FBLN7: variants seen among roughly 807,000 people sequenced by gnomAD.
FBLN7 encodes the protein fibulin 7.
In FBLN7, 31 loss-of-function variants were observed where a neutral mutation model predicts 44.0. The observed-to-expected ratio is 0.70, with a 90% CI of 0.53 to 0.95. The LOEUF (loss-of-function observed/expected upper bound fraction) is 0.95. Ranked by LOEUF, FBLN7 falls within the 40% of genes least tolerant of loss-of-function variation. FBLN7 has a pLI of 0.00. For synonymous variants in FBLN7, 262 were observed against 253.4 expected (o/e 1.03, Z -0.32); for missense variants, 573 against 618.5 (o/e 0.93, Z 0.78).
At chr2:112,181,582 C>T (rs1401589054) in intron 4 of FBLN7, among the ~76,000 whole-genome samples, 157 bp from the exon 5 acceptor site, 2 of 152,122 alleles carry the variant, frequency 1.3e-5, no homozygotes, top group Non-Finnish European at 2.9e-5. Context: ...TCGTCTGGGT[C>T]TGTGGTTGAT....
At chr2:112,207,240 G>A in the FBLN7 span, among the ~76,000 whole-genome samples, 1 of 152,138 alleles carries the variant, frequency 6.6e-6, no homozygotes, top group African/African-American at 2.4e-5. Context: ...GCAGAGGCAG[G>A]CGGATCACCT....
At chr2:112,234,227 G>T in the FBLN7 span, 2 of 1,597,760 alleles carry the variant, frequency 1.3e-6, no homozygotes, top group South Asian at 2.3e-5. Context: ...TTCTCTTTAG[G>T]TTTACCATCC....
At chr2:112,149,985 T>C (rs373562601) in intron 1 of FBLN7, among the ~76,000 whole-genome samples, 2 of 152,256 alleles carry the variant, frequency 1.3e-5, no homozygotes, top group African/African-American at 4.8e-5. Context: ...AGTACTAAGA[T>C]TGAGACATGA....
intron 3 of FBLN7, among the ~76,000 whole-genome samples, chr2:112,168,980 AC>A: frequency 6.6e-6 from 1 of 152,290 alleles, no homozygotes; most frequent in South Asian, 2.1e-4. Flanking sequence ...CCATTAAAAA[AC>A]AGCAGGCAGG....
chr2:112,166,082 G>A (rs1305644613), intron 3 of FBLN7, among the ~76,000 whole-genome samples: 4 of 152,206 alleles, frequency 2.6e-5, no homozygotes, highest in Admixed American at 6.5e-5. Context: ...ACGGAGTCTC[G>A]CTCCGTTGCC....
intron 6 of FBLN7, among the ~76,000 whole-genome samples, chr2:112,184,745 TACAC>T (rs202159771): frequency 6.8e-6 from 1 of 146,032 alleles, no homozygotes; most frequent in Non-Finnish European, 1.5e-5. Context: ...TATATATATA[TACAC>T]ACACCATATA....
downstream of FBLN7, chr2:112,189,937 TA>T (rs544846420): frequency 6.6e-6 from 1 of 152,268 alleles, no homozygotes; most frequent in African/African-American, 2.4e-5. Context: ...GAGTGGCTTA[TA>T]TTTTTTTGTT....
At chr2:112,185,102 G>A (rs1295521553) in intron 6 of FBLN7, 99 bp from the exon 7 acceptor site, 3 of 1,467,084 alleles carry the variant, frequency 2.0e-6, no homozygotes, top group East Asian at 4.8e-5. Context: ...GGAGCAGGGA[G>A]CACCACATTA....
At chr2:112,168,364 A>C (rs1402774586) in intron 3 of FBLN7, among the ~76,000 whole-genome samples, 2 of 152,194 alleles carry the variant, frequency 1.3e-5, no homozygotes, top group Non-Finnish European at 2.9e-5. Context: ...TCTTAGATGG[A>C]GATTTTTCTT....
In FBLN7 at chr2:112,138,551, C is replaced by A; in HGVS notation, c.-105C>A. 2 of 1,510,368 alleles carry A rather than the reference C, an allele frequency of 1.3e-6. No homozygotes were observed. Among genetic ancestry groups the A allele is most frequent in the South Asian group, 1.2e-5 (1 of 85,724 alleles). 93.6% of individuals were successfully genotyped at this position (1,510,368 alleles called of 1,614,324 possible). ...CTGCCCCAGCCGCCCCCCGGCCGCG[C>A]GGCGCCCCGCACCCTGCAGGGACGG... is the stretch of plus-strand genomic sequence containing the variant. On this transcript the variant is annotated 5_prime_UTR_variant, in exon 1 of 8. Transcript: ENST00000331203.
chr2:112,157,902 C>CTT (rs70962991), intron 1 of FBLN7, among the ~76,000 whole-genome samples: 10 of 141,468 alleles, frequency 7.1e-5, no homozygotes, highest in African/African-American at 1.0e-4. Context: ...TTCTTTGGTT[C>CTT]TTTTTTTTTT....
chr2:112,216,524 G>A, the FBLN7 span: 1 of 152,178 alleles, frequency 6.6e-6, no homozygotes, highest in Admixed American at 6.5e-5. Flanking sequence ...TACCAGCAGA[G>A]CCGCCCTTAC....
intron 1 of FBLN7, among the ~76,000 whole-genome samples, chr2:112,155,593 G>A (rs551903932): frequency 3.3e-5 from 5 of 152,150 alleles, no homozygotes; most frequent in Admixed American, 1.3e-4. Context: ...CTCCCTCCCC[G>A]CCTGGGACGG....
chr2:112,228,015 C>T, the FBLN7 span, among the ~76,000 whole-genome samples: 2 of 152,342 alleles, frequency 1.3e-5, no homozygotes, highest in East Asian at 3.9e-4. Context: ...CAAAGCTAGA[C>T]AGCTTACGCT....
intron 7 of FBLN7, among the ~76,000 whole-genome samples, chr2:112,186,750 A>G (rs898797178): frequency 2.6e-5 from 4 of 152,232 alleles, no homozygotes; most frequent in Admixed American, 2.0e-4. Context: ...TCCTGCCATT[A>G]CTGGGCGAGG....
the FBLN7 span, among the ~76,000 whole-genome samples, chr2:112,218,958 T>C: frequency 7.9e-5 from 12 of 152,104 alleles, no homozygotes; most frequent in Non-Finnish European, 1.8e-4. Flanking sequence ...CAAAGGCACA[T>C]AAATAAATGG....
At chr2:112,207,611 A>C in the FBLN7 span, among the ~76,000 whole-genome samples, 1 of 152,176 alleles carries the variant, frequency 6.6e-6, no homozygotes, top group African/African-American at 2.4e-5. Flanking sequence ...CTAAGAAAGG[A>C]GTGTTGAAGT....
At chr2:112,222,268 T>G in the FBLN7 span, among the ~76,000 whole-genome samples, 1 of 152,180 alleles carries the variant, frequency 6.6e-6, no homozygotes, top group African/African-American at 2.4e-5. Context: ...AATCTGTTGT[T>G]GTCTGTTTAC....
At chr2:112,160,133 G>C (rs925949337) in intron 2 of FBLN7, among the ~76,000 whole-genome samples, 2 of 152,170 alleles carry the variant, frequency 1.3e-5, no homozygotes, top group Non-Finnish European at 2.9e-5. Context: ...TGGGACTACA[G>C]GCGCCCGCCA....
Sources: gnomAD v4.1 joint callset for allele counts (sites outside exome capture counted in the v4.1 genomes callset) on GRCh38, gnomAD v4.1.1 for gene constraint, MANE v1.5 for transcripts, NCBI Gene and HGNC (gene_info 2026-07-23, HGNC 2026-07-21) for gene names.